The following NALF1 variants were observed in gnomAD, a reference collection of about 807,000 sequenced individuals.
NALF1 encodes the protein NALCN channel auxiliary factor 1.
In NALF1, 3 loss-of-function variants were observed where a neutral mutation model predicts 48.4. The ratio of observed to expected loss-of-function variants is 0.06; its 90% CI spans 0.03 to 0.16. The LOEUF (loss-of-function observed/expected upper bound fraction) is 0.16. NALF1 is among the 10% of genes least tolerant of loss of function. The probability of loss-of-function intolerance (pLI) is 1.00; values close to 1 mark genes in which losing one functional copy is unlikely to be tolerated. For missense variants in NALF1, 526 were observed against 571.5 expected (o/e 0.92, Z 0.81); for synonymous variants, 262 against 245.7 (o/e 1.07, Z -0.62).
At chr13:107,554,466 G>T (rs151270884) in intron 1 of NALF1, among the ~76,000 whole-genome samples, 3 of 152,092 alleles carry the variant, frequency 2.0e-5, no homozygotes, top group Admixed American at 2.0e-4. Flanking sequence ...ACAGGGTGCC[G>T]CTGGCCAAGG....
At chr13:107,244,945 T>A (rs914613012) in intron 1 of NALF1, among the ~76,000 whole-genome samples, 2 of 152,200 alleles carry the variant, frequency 1.3e-5, no homozygotes, top group African/African-American at 4.8e-5. Flanking sequence ...TAAGACCCAA[T>A]GAACTCACTA....
chr13:107,371,471 A>AAATG (rs1401195988), intron 1 of NALF1, among the ~76,000 whole-genome samples: 1 of 151,794 alleles, frequency 6.6e-6, no homozygotes, highest in Non-Finnish European at 1.5e-5. Context: ...ATAAATAAAT[A>AAATG]AATAAATAGT....
At chr13:107,838,841 G>C (rs1879972998) in intron 1 of NALF1, among the ~76,000 whole-genome samples, 2 of 152,192 alleles carry the variant, frequency 1.3e-5, no homozygotes, top group Non-Finnish European at 2.9e-5. Context: ...GGGATGTTTT[G>C]AGTATGAAAG....
chr13:107,828,293 T>C (rs137900691), intron 1 of NALF1, among the ~76,000 whole-genome samples: 195 of 152,270 alleles, frequency 1.3e-3, no homozygotes, highest in African/African-American at 4.5e-3. Flanking sequence ...TTACTGCGTG[T>C]GGTTCTAATC....
intron 1 of NALF1, among the ~76,000 whole-genome samples, chr13:107,324,071 T>G (rs1253808256): frequency 1.3e-5 from 2 of 152,202 alleles, no homozygotes; most frequent in African/African-American, 4.8e-5. Flanking sequence ...AATGTGCCAC[T>G]GCACTCCAGC....
intron 1 of NALF1, among the ~76,000 whole-genome samples, chr13:107,725,000 C>T (rs1876106868): frequency 6.6e-6 from 1 of 152,146 alleles, no homozygotes; most frequent in Admixed American, 6.5e-5. Context: ...AAGAAGTTAA[C>T]CAGAGATAGA....
chr13:107,790,813 C>A (rs1377230703), intron 1 of NALF1, among the ~76,000 whole-genome samples: 4 of 151,992 alleles, frequency 2.6e-5, no homozygotes, highest in Non-Finnish European at 4.4e-5. Context: ...TTTTAGAGGT[C>A]TTTTAGTTAT....
chr13:107,690,263 A>G (rs1881537719), intron 1 of NALF1, among the ~76,000 whole-genome samples: 1 of 152,222 alleles, frequency 6.6e-6, no homozygotes, highest in Admixed American at 6.5e-5. Context: ...ATGCACTCGA[A>G]GCTTCAAATG....
In NALF1 at chr13:107,521,942, T is replaced by TACACAC. The variant is rs371749390; in HGVS notation, c.916-311193_916-311188dup. On this transcript the variant is annotated intron_variant, in intron 1 of 2. Coordinates refer to ENST00000375915, the MANE Select transcript of NALF1 (RefSeq NM_001080396.3). ...TTCAACTTACACACACACACACACA[T>TACACAC]ACACACACACACACACACAGAAACA... Among the ~76,000 whole-genome samples, 316 of 146,338 alleles carry TACACAC rather than the reference T, an allele frequency of 2.2e-3. 3 individuals carry two copies. Among genetic ancestry groups the TACACAC allele is most frequent in the African/African-American group, 7.1e-3 (283 of 39,920 alleles).
intron 1 of NALF1, among the ~76,000 whole-genome samples, chr13:107,585,639 C>T (rs1326295982): frequency 6.6e-6 from 1 of 152,152 alleles, no homozygotes; most frequent in Non-Finnish European, 1.5e-5. Flanking sequence ...GGGAAATTAC[C>T]AGCCATTTAT....
At chr13:107,310,038 C>A (rs1882014539) in intron 1 of NALF1, among the ~76,000 whole-genome samples, 1 of 152,076 alleles carries the variant, frequency 6.6e-6, no homozygotes, top group African/African-American at 2.4e-5. Flanking sequence ...AGTTGGTATG[C>A]AAATGTTGGG....
intron 1 of NALF1, among the ~76,000 whole-genome samples, chr13:107,213,995 C>T (rs1337722230): frequency 6.6e-6 from 1 of 152,100 alleles, no homozygotes; most frequent in African/African-American, 2.4e-5. Context: ...AGGTAGCTAC[C>T]AGCGTGATAT....
intron 1 of NALF1, among the ~76,000 whole-genome samples, chr13:107,638,201 A>ATGTATATATATATATATATATATGTATG (rs1555314238): frequency 9.0e-6 from 1 of 110,832 alleles, no homozygotes; most frequent in Non-Finnish European, 1.9e-5. Context: ...ATATATATAT[A>ATGTATATATATATATATATATATGTATG]TATATAATTT....
At chr13:107,717,945 G>A (rs1473053023) in intron 1 of NALF1, among the ~76,000 whole-genome samples, 2 of 152,240 alleles carry the variant, frequency 1.3e-5, no homozygotes, top group East Asian at 1.9e-4. Context: ...CTGGTCCACA[G>A]TGCTGCTCAC....
rs913180389 is a variant in NALF1 at position 107,362,219 on chromosome 13, G to A, written c.916-151464C>T. On this transcript the variant is annotated intron_variant, in intron 1 of 2. Transcript: ENST00000375915. This position sits in a 1 kb window ranked among gnomAD's most constrained non-coding sequence, Gnocchi z 4.6. ...TGATGGTGGGGAAAAACGGGGTCAG[G>A]TGACAGCTTTATGATATTCATGTAA... Among the ~76,000 whole-genome samples the A allele has an allele frequency of 5.3e-5, 8 of 152,150 alleles. No homozygotes were observed. The highest frequency in any genetic ancestry group is 1.7e-4 in the African/African-American group (7 of 41,426).
chr13:107,745,367 C>T (rs1594240660), intron 1 of NALF1, among the ~76,000 whole-genome samples: 1 of 152,024 alleles, frequency 6.6e-6, no homozygotes, highest in African/African-American at 2.4e-5. Flanking sequence ...TTATAGACAC[C>T]CCCTAGCTGA....
chr13:107,800,609 TAA>T (rs1491122141), intron 1 of NALF1, among the ~76,000 whole-genome samples: 1 of 137,548 alleles, frequency 7.3e-6, no homozygotes, highest in African/African-American at 2.5e-5. Context: ...TTATGTAATA[TAA>T]TATATATATT....
chr13:107,177,571 G>A (rs1227913531), intron 2 of NALF1, among the ~76,000 whole-genome samples: 1 of 152,056 alleles, frequency 6.6e-6, no homozygotes, highest in African/African-American at 2.4e-5. Context: ...ACAGAATAGA[G>A]AACCCAAAAA....
chr13:107,199,258 G>C (rs1406145517), intron 2 of NALF1, among the ~76,000 whole-genome samples: 1 of 152,168 alleles, frequency 6.6e-6, no homozygotes, highest in Non-Finnish European at 1.5e-5. Context: ...AAGACACAGC[G>C]AGAAGGCAGT....
Sources: gnomAD v4.1 joint callset for allele counts (sites outside exome capture counted in the v4.1 genomes callset) on GRCh38, gnomAD v4.1.1 for gene constraint, Gnocchi (gnomAD v3.1) non-coding constraint, MANE v1.5 for transcripts, NCBI Gene and HGNC (gene_info 2026-07-23, HGNC 2026-07-21) for gene names.